Variants in RFTN2 observed in about 807,000 individuals in gnomAD.
RFTN2 encodes raftlin-2.
Under a neutral mutation model 52.7 loss-of-function variants are expected in RFTN2, and 34 were observed. That is an observed-to-expected ratio of 0.64 (90% CI 0.49 to 0.86). The LOEUF is 0.86. Ranked by LOEUF, RFTN2 falls within the 40% of genes least tolerant of loss-of-function variation. The pLI is 0.00. For synonymous variants in RFTN2, 203 were observed against 217.7 expected (o/e 0.93, Z 0.59); for missense variants, 536 against 600.1 (o/e 0.89, Z 1.12).
chr2:197,616,339 T>C (rs905179283), intron 6 of RFTN2, among the ~76,000 whole-genome samples: 6 of 90,228 alleles, frequency 6.6e-5, no homozygotes, highest in African/African-American at 2.3e-4. Flanking sequence ...ACATCCAGGC[T>C]AGGGTGCAGT....
chr2:197,611,040 T>G (rs2088049119), intron 7 of RFTN2, among the ~76,000 whole-genome samples: 1 of 152,224 alleles, frequency 6.6e-6, no homozygotes, highest in Non-Finnish European at 1.5e-5. Flanking sequence ...GAGCTTCATA[T>G]CATTGTTCAT....
chr2:197,591,676 C>A (rs1486346458), intron 8 of RFTN2, among the ~76,000 whole-genome samples: 1 of 152,150 alleles, frequency 6.6e-6, no homozygotes, highest in Non-Finnish European at 1.5e-5. Context: ...TCAGGCATGG[C>A]GGGCTGCAGG....
At chr2:197,606,378 C>A (rs61577083) in intron 7 of RFTN2, among the ~76,000 whole-genome samples, 1 of 152,160 alleles carries the variant, frequency 6.6e-6, no homozygotes, top group Non-Finnish European at 1.5e-5. Context: ...ATGCATGAAT[C>A]TGTATCAGTT....
intron 5 of RFTN2, among the ~76,000 whole-genome samples, chr2:197,623,200 T>G (rs1243024566): frequency 3.9e-5 from 6 of 152,236 alleles, no homozygotes; most frequent in Admixed American, 3.9e-4. Flanking sequence ...GATTCACTAT[T>G]CTAGATGCCA....
At chr2:197,579,135 T>C (rs1389525125) in intron 8 of RFTN2, among the ~76,000 whole-genome samples, 1 of 152,226 alleles carries the variant, frequency 6.6e-6, no homozygotes, top group African/African-American at 2.4e-5. Context: ...CCTTGGTGTT[T>C]AATCACTGCA....
intron 5 of RFTN2, among the ~76,000 whole-genome samples, chr2:197,624,935 C>T (rs369690344): frequency 3.9e-5 from 6 of 152,002 alleles, no homozygotes; most frequent in South Asian, 2.1e-4. Flanking sequence ...GGTGACAGGG[C>T]GAGACTCTAT....
At chr2:197,577,108 A>C (rs1197706019) in intron 8 of RFTN2, among the ~76,000 whole-genome samples, 2 of 152,206 alleles carry the variant, frequency 1.3e-5, no homozygotes, top group Non-Finnish European at 2.9e-5. Context: ...ATCTTTCTGG[A>C]TGGAACCAAA....
At chr2:197,630,286 T>C (rs184880401) in intron 5 of RFTN2, among the ~76,000 whole-genome samples, 3 of 152,316 alleles carry the variant, frequency 2.0e-5, no homozygotes, top group Non-Finnish European at 4.4e-5. Context: ...TCTAACCTCA[T>C]AGATTTAAGA....
intron 1 of RFTN2, among the ~76,000 whole-genome samples, chr2:197,652,391 G>A (rs770583336): frequency 1.3e-5 from 2 of 152,128 alleles, no homozygotes; most frequent in African/African-American, 4.8e-5. Flanking sequence ...ACTCTTGACC[G>A]CTCATAGGAA....
intron 5 of RFTN2, among the ~76,000 whole-genome samples, chr2:197,630,646 T>C (rs551136126): frequency 6.6e-6 from 1 of 152,266 alleles, no homozygotes; most frequent in South Asian, 2.1e-4. Flanking sequence ...GTGTTCAAAA[T>C]TGGGATAATG....
intron 8 of RFTN2, among the ~76,000 whole-genome samples, chr2:197,585,703 C>T (rs2087585038): frequency 1.3e-5 from 2 of 152,134 alleles, no homozygotes; most frequent in African/African-American, 4.8e-5. Context: ...GCCTTACATA[C>T]AGACTGGGCA....
chr2:197,624,888 G>A (rs568829462), intron 5 of RFTN2, among the ~76,000 whole-genome samples: 19 of 152,238 alleles, frequency 1.2e-4, no homozygotes, highest in African/African-American at 4.1e-4. Context: ...GGCGGAGGTT[G>A]CAGTGAGCTG....
intron 8 of RFTN2, among the ~76,000 whole-genome samples, chr2:197,577,889 C>G (rs1308190056): frequency 6.6e-6 from 1 of 152,084 alleles, no homozygotes; most frequent in Admixed American, 6.5e-5. Context: ...GGTAATTTTT[C>G]TATTTTTTAT....
At chr2:197,614,744 C>T (rs1396783982) in intron 7 of RFTN2, among the ~76,000 whole-genome samples, 1 of 152,188 alleles carries the variant, frequency 6.6e-6, no homozygotes, top group Non-Finnish European at 1.5e-5. Context: ...TGTCACACAT[C>T]CTGCAAGGTT....
chr2:197,618,350 G>A (rs1293148111), intron 5 of RFTN2, among the ~76,000 whole-genome samples: 1 of 152,290 alleles, frequency 6.6e-6, no homozygotes, highest in East Asian at 1.9e-4. Context: ...GGCCTCCCGA[G>A]GTGCCGGGAT....
chr2:197,618,038 AC>A, intron 5 of RFTN2, 117 bp from the exon 6 acceptor site: 1 of 730,566 alleles, frequency 1.4e-6, no homozygotes. Flanking sequence ...CAATTAAAAA[AC>A]ATTTGTTGCC....
chr2:197,628,501 G>A lies in RFTN2; in HGVS notation c.928+2510C>T, dbSNP rs560988634. Among the ~76,000 whole-genome samples the A allele has an allele frequency of 2.0e-5, 3 of 152,320 alleles. No homozygotes were observed. In the South Asian group the frequency reaches 6.2e-4, roughly 32 times the overall value. ...TTCATCAGGCAAGACCCAAGGCAGGGATGCCTGAGAGAGATTGTGAAAAGT... is the reference window on the plus strand; with the variant it reads ...TTCATCAGGCAAGACCCAAGGCAGGAATGCCTGAGAGAGATTGTGAAAAGT... On this transcript the variant is annotated intron_variant, in intron 5 of 8. Coordinates refer to ENST00000295049, the MANE Select transcript of RFTN2 (RefSeq NM_144629.3).
At chr2:197,666,876 C>T (rs1465412653) in intron 1 of RFTN2, among the ~76,000 whole-genome samples, 1 of 152,096 alleles carries the variant, frequency 6.6e-6, no homozygotes, top group Non-Finnish European at 1.5e-5. Flanking sequence ...GAAGACTTGT[C>T]TTCAAGTTCT....
At chr2:197,644,122 G>T in intron 3 of RFTN2, 36 bp downstream of exon 3, 1 of 1,137,654 alleles carries the variant, frequency 8.8e-7, no homozygotes, top group Non-Finnish European at 1.3e-6. Flanking sequence ...CCAAATGTTT[G>T]TCAATATCCC....
Sources: gnomAD v4.1 joint callset for allele counts (sites outside exome capture counted in the v4.1 genomes callset) on GRCh38, gnomAD v4.1.1 for gene constraint, MANE v1.5 for transcripts, NCBI Gene and HGNC (gene_info 2026-07-23, HGNC 2026-07-21) for gene names.